Variants in GNAQ observed in about 807,000 individuals in gnomAD.
The protein encoded by GNAQ is G protein subunit alpha q, also known as guanine nucleotide-binding protein G(q) subunit alpha.
Under a neutral mutation model 43.9 loss-of-function variants are expected in GNAQ, and 8 were observed. That is an observed-to-expected ratio of 0.18 (90% CI 0.11 to 0.33). The LOEUF (loss-of-function observed/expected upper bound fraction) is 0.33, where lower values mean the gene tolerates loss of function less well. GNAQ is among the 10% of genes least tolerant of loss of function. The probability of loss-of-function intolerance (pLI) is 1.00; values close to 1 mark genes in which losing one functional copy is unlikely to be tolerated. For synonymous variants in GNAQ, 155 were observed against 170.7 expected (o/e 0.91, Z 0.71); for missense variants, 158 against 450.8 (o/e 0.35, Z 5.88).
At chr9:77,976,335 A>G (rs1377644127) in intron 1 of GNAQ, among the ~76,000 whole-genome samples, 1 of 152,204 alleles carries the variant, frequency 6.6e-6, no homozygotes, top group African/African-American at 2.4e-5. Context: ...TTGGCAGCCA[A>G]AAACTATCCA....
intron 1 of GNAQ, among the ~76,000 whole-genome samples, chr9:77,999,884 G>GA (rs1226115190): frequency 2.6e-5 from 4 of 152,106 alleles, no homozygotes; most frequent in African/African-American, 9.7e-5. Context: ...TCCCTAGTAG[G>GA]AAAAAATGTT....
rs1451635093 is a variant in GNAQ at position 78,031,086 on chromosome 9, CG to C, written c.136+13del. The C allele has an allele frequency of 1.3e-6, 2 of 1,481,690 alleles. No individual in the cohort carries two copies. Among genetic ancestry groups the C allele is most frequent in the African/African-American group, 2.9e-5 (2 of 68,940 alleles). 91.8% of individuals were successfully genotyped at this position (1,481,690 alleles called of 1,614,324 possible). On this transcript the variant is annotated intron_variant, in intron 1 of 6. Transcript: ENST00000286548. ...GGGGCGCAGAGGCCCGGCGGGGCCC[CG>C]GACGGTACTCACCGAGCAGCAGCAG...
intron 1 of GNAQ, among the ~76,000 whole-genome samples, chr9:77,927,520 C>T (rs1169892465): frequency 6.6e-6 from 1 of 152,000 alleles, no homozygotes; most frequent in East Asian, 1.9e-4. Context: ...GGAAAACAAT[C>T]ACTGAATACT....
chr9:77,868,372 G>A (rs751993358), intron 2 of GNAQ, among the ~76,000 whole-genome samples: 14 of 152,172 alleles, frequency 9.2e-5, no homozygotes, highest in Admixed American at 6.5e-4. Context: ...TGAATAAGAG[G>A]ATATTTAATG....
intron 2 of GNAQ, among the ~76,000 whole-genome samples, chr9:77,836,272 A>G (rs1006974998): frequency 1.3e-5 from 2 of 152,112 alleles, no homozygotes; most frequent in African/African-American, 4.8e-5. Flanking sequence ...CAATTCCAAG[A>G]AAACCCAATA....
At chr9:77,951,581 A>C (rs1353666140) in intron 1 of GNAQ, among the ~76,000 whole-genome samples, 1 of 152,168 alleles carries the variant, frequency 6.6e-6, no homozygotes, top group African/African-American at 2.4e-5. Flanking sequence ...CTAAAAATGT[A>C]ATCATATAAA....
At chr9:77,993,239 T>A (rs1051203972) in intron 1 of GNAQ, among the ~76,000 whole-genome samples, 5 of 152,176 alleles carry the variant, frequency 3.3e-5, no homozygotes, top group African/African-American at 1.2e-4. Context: ...TGGTATTCAA[T>A]TTTTTAATTA....
chr9:77,900,175 T>A (rs1036690229), intron 2 of GNAQ, among the ~76,000 whole-genome samples: 1 of 152,172 alleles, frequency 6.6e-6, no homozygotes, highest in Non-Finnish European at 1.5e-5. Context: ...ACTTGTGGTA[T>A]ATGTCTCATA....
chr9:77,851,738 A>G (rs1310274485), intron 2 of GNAQ, among the ~76,000 whole-genome samples: 1 of 152,102 alleles, frequency 6.6e-6, no homozygotes, highest in Non-Finnish European at 1.5e-5. Context: ...CATGTCATGG[A>G]AAGTTTGCTC....
intron 5 of GNAQ, among the ~76,000 whole-genome samples, chr9:77,775,403 ATCTC>A (rs1263630883): frequency 3.0e-4 from 43 of 145,174 alleles, no homozygotes; most frequent in Non-Finnish European, 5.1e-4. Flanking sequence ...ACTTCTCCTC[ATCTC>A]TCTTTTTTTT....
rs79507859 is a variant in GNAQ at position 77,839,317 on chromosome 9, T to A, written c.322-23547A>T. Among the ~76,000 whole-genome samples the A allele has an allele frequency of 5.6e-3, 857 of 152,342 alleles. 10 individuals are homozygous for A. The highest frequency in any genetic ancestry group is 0.019 in the African/African-American group (790 of 41,570). Reference sequence around the variant, plus strand: ...CTACTTTATTTCAGACAACCCTTCATTAGCTTGTTTGAGACTAAGATAATT... The same window carrying A: ...CTACTTTATTTCAGACAACCCTTCAATAGCTTGTTTGAGACTAAGATAATT... On this transcript the variant is annotated intron_variant, in intron 2 of 6. Coordinates refer to ENST00000286548, the MANE Select transcript of GNAQ (RefSeq NM_002072.5).
chr9:77,958,915 T>C (rs1294037572), intron 1 of GNAQ, among the ~76,000 whole-genome samples: 1 of 152,198 alleles, frequency 6.6e-6, no homozygotes, highest in East Asian at 1.9e-4. Flanking sequence ...TTTCCCCTTT[T>C]CCCAACTCAG....
chr9:77,840,353 G>GT (rs397701613), intron 2 of GNAQ, among the ~76,000 whole-genome samples: 86,234 of 142,346 alleles, frequency 0.61, 27,128 homozygotes, highest in Middle Eastern at 0.73. Context: ...ATTACTTTTT[G>GT]TTTTTTTTTT....
intron 2 of GNAQ, among the ~76,000 whole-genome samples, chr9:77,906,209 C>A (rs2118182076): frequency 6.6e-6 from 1 of 152,228 alleles, no homozygotes; most frequent in Admixed American, 6.5e-5. Flanking sequence ...TTGAAAATAT[C>A]TTAATCTCTG....
intron 5 of GNAQ, among the ~76,000 whole-genome samples, chr9:77,769,588 TGAAAA>T (rs1325506958): frequency 1.3e-5 from 2 of 151,802 alleles, no homozygotes; most frequent in Non-Finnish European, 2.9e-5. Flanking sequence ...GCTACTCGGT[TGAAAA>T]GAAAACGAAT....
chr9:77,762,369 T>G (rs1587904722), intron 5 of GNAQ, among the ~76,000 whole-genome samples: 2 of 133,928 alleles, frequency 1.5e-5, no homozygotes, highest in African/African-American at 5.9e-5. Context: ...CGGCCGCCCC[T>G]ACTGGGAAGT....
intron 5 of GNAQ, among the ~76,000 whole-genome samples, chr9:77,737,469 T>C (rs1466239615): frequency 2.6e-5 from 4 of 152,350 alleles, no homozygotes; most frequent in Admixed American, 2.0e-4. Context: ...CTTTACAAAC[T>C]TGTCTAAGTT....
intron 1 of GNAQ, 51 bp from the exon 2 acceptor site, chr9:77,922,396 C>T: frequency 7.6e-7 from 1 of 1,322,352 alleles, no homozygotes; most frequent in Non-Finnish European, 1.1e-6. Context: ...ATCTCAGTCT[C>T]TCAGATAACT....
At chr9:77,875,094 A>T (rs189868376) in intron 2 of GNAQ, among the ~76,000 whole-genome samples, 74 of 152,270 alleles carry the variant, frequency 4.9e-4, no homozygotes, top group African/African-American at 1.3e-3. Context: ...GCTTGAGTAA[A>T]CAGCATGCTA....
Sources: allele counts gnomAD v4.1 joint callset (sites outside exome capture counted in the v4.1 genomes callset), GRCh38; gene constraint gnomAD v4.1.1; transcripts MANE v1.5; gene names NCBI Gene and HGNC (gene_info 2026-07-23, HGNC 2026-07-21).